The following JMJD1C variants were observed in gnomAD, a reference collection of about 807,000 sequenced individuals.
The protein encoded by JMJD1C is jumonji domain-containing protein 1C.
A neutral mutation model predicts 245.3 loss-of-function variants in JMJD1C; 31 were observed. That is an observed-to-expected ratio of 0.13 (90% CI 0.09 to 0.17). JMJD1C has a LOEUF of 0.17. Ranked by LOEUF, JMJD1C falls within the 10% of genes least tolerant of loss-of-function variation. The pLI is 1.00. For synonymous variants in JMJD1C, 1,057 were observed against 1,017.4 expected, an observed-to-expected ratio of 1.04 and a Z score of -0.74; for missense variants, 2,691 against 3,000.2, an observed-to-expected ratio of 0.90 and a Z score of 2.41.
At chr10:63,310,237 T>C (rs1938983149) in intron 2 of JMJD1C, among the ~76,000 whole-genome samples, 1 of 152,176 alleles carries the variant, frequency 6.6e-6, no homozygotes, top group Non-Finnish European at 1.5e-5. Flanking sequence ...AAATAATATA[T>C]AAATTCAATG....
Position 63,208,151 on chromosome 10 carries a change from G to C in JMJD1C, c.3518C>G (p.Ser1173Cys). The C allele has an allele frequency of 1.2e-6, 2 of 1,614,190 alleles. No homozygotes were observed. The highest frequency in any genetic ancestry group is 1.7e-6 in the Non-Finnish European group (2 of 1,180,016). ...IPEHLPHQIASHSVTTFRNDC... is the reference protein window; with the variant it reads ...IPEHLPHQIACHSVTTFRNDC... ...ATTTCTGAAGGTTGTTACTGAGTGA[G>C]ATGCAATCTGATGTGGAAGATGTTC... The change falls in exon 10 of 26, where the codon TCT becomes TGT. Residue 1173 changes from serine to cysteine, a missense_variant. Physicochemically the swap from Ser to Cys is moderately radical, Grantham distance 112. Around this residue, in one of 9 missense-constraint regions of JMJD1C, gnomAD observed 1,562 missense variants for 1,490.7 expected, o/e 1.05. Coordinates refer to ENST00000399262, the MANE Select transcript of JMJD1C (RefSeq NM_032776.3).
chr10:63,431,905 G>A (rs557825073), intron 1 of JMJD1C, among the ~76,000 whole-genome samples: 4 of 152,272 alleles, frequency 2.6e-5, no homozygotes, highest in East Asian at 3.9e-4. Flanking sequence ...CCAACTAATC[G>A]GGAGGCTGAG....
At chr10:63,246,737 G>A (rs866907631) in intron 3 of JMJD1C, among the ~76,000 whole-genome samples, 10 of 151,936 alleles carry the variant, frequency 6.6e-5, no homozygotes, top group South Asian at 2.1e-4. Context: ...AAAATCATAC[G>A]GCAAACTGTC....
At chr10:63,320,562 C>T in intron 2 of JMJD1C, among the ~76,000 whole-genome samples, 1 of 152,190 alleles carries the variant, frequency 6.6e-6, no homozygotes, top group Non-Finnish European at 1.5e-5. Flanking sequence ...AATCTCTCAT[C>T]TTTTCTCAAA....
intron 2 of JMJD1C, among the ~76,000 whole-genome samples, chr10:63,323,788 G>A (rs1941196952): frequency 6.6e-6 from 1 of 152,088 alleles, no homozygotes; most frequent in African/African-American, 2.4e-5. Flanking sequence ...TAGAGTGTGA[G>A]CATATTTGTG....
chr10:63,426,539 T>C (rs1950450012), intron 1 of JMJD1C, among the ~76,000 whole-genome samples: 1 of 151,980 alleles, frequency 6.6e-6, no homozygotes, highest in African/African-American at 2.4e-5. Flanking sequence ...GGCGTGGTGG[T>C]GCGCGCCTGT....
chr10:63,294,209 G>A lies in JMJD1C; in HGVS notation c.334-29445C>T, dbSNP rs58005737. ...TTATGCGTATCTCACATCCTTAAACGTCCTCTGTTCTTTTACATTTATTCT... is the reference window on the plus strand; with the variant it reads ...TTATGCGTATCTCACATCCTTAAACATCCTCTGTTCTTTTACATTTATTCT... On this transcript the variant is annotated intron_variant, in intron 2 of 25. Transcript: ENST00000399262. 1.3e-3 allele frequency among the ~76,000 whole-genome samples: 201 copies of A among 151,420 alleles called. 2 individuals are homozygous for A. In the East Asian group the frequency reaches 0.028, roughly 21 times the overall value.
intron 2 of JMJD1C, among the ~76,000 whole-genome samples, chr10:63,361,576 T>A (rs16918382): frequency 0.037 from 5,583 of 151,918 alleles, 331 homozygotes; most frequent in East Asian, 0.29. Flanking sequence ...GCAATTAAAA[T>A]TAAAAATCAG....
At chr10:63,425,974 A>G (rs74368888) in intron 1 of JMJD1C, among the ~76,000 whole-genome samples, 2 of 152,230 alleles carry the variant, frequency 1.3e-5, no homozygotes, top group Admixed American at 6.5e-5. Flanking sequence ...ATACACAGGC[A>G]TAAGTTTAAA....
At chr10:63,391,219 T>C (rs937225212) in intron 1 of JMJD1C, among the ~76,000 whole-genome samples, 1 of 151,890 alleles carries the variant, frequency 6.6e-6, no homozygotes, top group Non-Finnish European at 1.5e-5. Context: ...GAGAAACATA[T>C]CAAGAAGGTG....
intron 1 of JMJD1C, chr10:63,382,896 CCAACTT>C (rs1297964218): frequency 2.2e-6 from 1 of 455,404 alleles, no homozygotes; most frequent in Non-Finnish European, 4.4e-6. Flanking sequence ...AACTTCAACT[CCAACTT>C]AGCTTTGAAT....
chr10:63,294,008 C>T (rs1859089563), intron 2 of JMJD1C, among the ~76,000 whole-genome samples: 1 of 152,120 alleles, frequency 6.6e-6, no homozygotes, highest in African/African-American at 2.4e-5. Context: ...TGCATTTAAT[C>T]TAACTCTTCC....
intron 2 of JMJD1C, among the ~76,000 whole-genome samples, chr10:63,323,413 G>A (rs554163551): frequency 4.0e-5 from 5 of 124,910 alleles, no homozygotes; most frequent in Non-Finnish European, 9.2e-5. Context: ...CCAGCAACTC[G>A]GGAGGGTGAG....
At chr10:63,359,572 G>T (rs536071500) in intron 2 of JMJD1C, among the ~76,000 whole-genome samples, 1 of 152,196 alleles carries the variant, frequency 6.6e-6, no homozygotes, top group African/African-American at 2.4e-5. Flanking sequence ...ATAAAAAATT[G>T]AATTTTAATG....
intron 1 of JMJD1C, among the ~76,000 whole-genome samples, chr10:63,458,081 G>A (rs1952529770): frequency 6.6e-6 from 1 of 152,136 alleles, no homozygotes; most frequent in Admixed American, 6.5e-5. Flanking sequence ...TATCCAATTC[G>A]ATAATTTCAG....
In JMJD1C at chr10:63,176,483, G is replaced by C; in HGVS notation, c.7225-10C>G. The C allele has an allele frequency of 6.2e-7, 1 of 1,603,382 alleles. No individual in the cohort carries two copies. The highest frequency in any genetic ancestry group is 2.2e-5 in the East Asian group (1 of 44,776). ...CTTGTTCTTTTGAAATCTGAAATAT[G>C]AATTAAAATAGACACTCCAATTTAA... is the stretch of plus-strand genomic sequence containing the variant. On this transcript the variant is annotated splice_polypyrimidine_tract_variant and intron_variant, in intron 23 of 25. Transcript: ENST00000399262.
At chr10:63,405,876 T>C (rs568867365) in intron 1 of JMJD1C, among the ~76,000 whole-genome samples, 13 of 152,316 alleles carry the variant, frequency 8.5e-5, no homozygotes, top group African/African-American at 1.7e-4. Flanking sequence ...TGAGGCTACA[T>C]AGTTTCTGGT....
intron 2 of JMJD1C, among the ~76,000 whole-genome samples, chr10:63,276,680 G>A (rs1856806089): frequency 1.3e-5 from 2 of 152,042 alleles, no homozygotes; most frequent in South Asian, 4.1e-4. Context: ...TATTGGCCAG[G>A]GTGGTCTCCT....
chr10:63,398,306 T>G (rs897887989), intron 1 of JMJD1C, among the ~76,000 whole-genome samples: 12 of 152,178 alleles, frequency 7.9e-5, no homozygotes, highest in Admixed American at 5.2e-4. Flanking sequence ...AGGTTCCTCT[T>G]GCTTTTTCCC....
Sources: gnomAD v4.1 joint callset for allele counts (sites outside exome capture counted in the v4.1 genomes callset) on GRCh38, gnomAD v4.1.1 for gene constraint, gnomAD v4.1.1 regional missense constraint, MANE v1.5 for transcripts, NCBI Gene and HGNC (gene_info 2026-07-23, HGNC 2026-07-21) for gene names.